Variants in MYRIP observed in about 807,000 individuals in gnomAD.
MYRIP encodes myosin VIIA and Rab interacting protein.
A neutral mutation model predicts 98.0 loss-of-function variants in MYRIP; 49 were observed. That is an observed-to-expected ratio of 0.50 (90% CI 0.40 to 0.63). The LOEUF is 0.63. Among genes scored for constraint, MYRIP ranks in the 30% least tolerant of loss-of-function variants. The probability of loss-of-function intolerance (pLI) is 0.00; values close to 1 mark genes in which losing one functional copy is unlikely to be tolerated. For missense variants in MYRIP, 1,004 were observed against 1,058.2 expected, an observed-to-expected ratio of 0.95 and a Z score of 0.71; for synonymous variants, 404 against 409.5, an observed-to-expected ratio of 0.99 and a Z score of 0.16.
chr3:40,237,475 G>C (rs1233948432), intron 12 of MYRIP, among the ~76,000 whole-genome samples: 1 of 152,108 alleles, frequency 6.6e-6, no homozygotes, highest in African/African-American at 2.4e-5. Context: ...TTTGGGGCAG[G>C]GCAAAATCAC....
chr3:39,894,565 A>G (rs573378613), intron 1 of MYRIP, among the ~76,000 whole-genome samples: 4 of 152,164 alleles, frequency 2.6e-5, no homozygotes, highest in Non-Finnish European at 5.9e-5. Flanking sequence ...GTTGCTGTAT[A>G]CTTTCTTGTA....
chr3:40,102,485 T>C (rs907374341), intron 3 of MYRIP, among the ~76,000 whole-genome samples: 1 of 152,202 alleles, frequency 6.6e-6, no homozygotes, highest in African/African-American at 2.4e-5. Context: ...ATAGGAGTTT[T>C]GACTTTTGTA....
intron 2 of MYRIP, among the ~76,000 whole-genome samples, chr3:39,950,159 T>A (rs961152357): frequency 6.6e-6 from 1 of 152,200 alleles, no homozygotes; most frequent in Admixed American, 6.6e-5. Context: ...AATTCTTCCA[T>A]CTTTAGTTTG....
chr3:39,901,889 G>A (rs1352077477), intron 2 of MYRIP, among the ~76,000 whole-genome samples: 4 of 152,054 alleles, frequency 2.6e-5, no homozygotes, highest in Non-Finnish European at 5.9e-5. Flanking sequence ...CCTAGCAAGG[G>A]ACATAACATT....
intron 3 of MYRIP, among the ~76,000 whole-genome samples, chr3:40,049,913 C>T (rs1387936050): frequency 6.6e-6 from 1 of 152,100 alleles, no homozygotes; most frequent in Non-Finnish European, 1.5e-5. Context: ...TCCCTTAAGC[C>T]AAAGCCATAT....
intron 2 of MYRIP, among the ~76,000 whole-genome samples, chr3:39,957,677 A>C (rs1287548779): frequency 6.6e-6 from 1 of 151,880 alleles, no homozygotes; most frequent in Non-Finnish European, 1.5e-5. Context: ...AGTTCTGGCC[A>C]GGGCAATCAG....
rs146580439 is a variant in MYRIP, at chr3:39,994,199, G to C, written c.111-49851G>C. 6.5e-3 allele frequency among the ~76,000 whole-genome samples: 991 copies of C among 152,342 alleles called. 8 individuals are homozygous for C. Among genetic ancestry groups the C allele is most frequent in the Middle Eastern group, 0.017 (5 of 294 alleles). ...AGTGTCGGACAGTGGGTGCAGGACA[G>C]TGGGTGCAGCACACGGAGCATGAGC... On this transcript the variant is annotated intron_variant, in intron 2 of 16. Coordinates refer to ENST00000302541, the MANE Select transcript of MYRIP (RefSeq NM_015460.4).
chr3:40,111,438 A>G (rs573307292), intron 3 of MYRIP, among the ~76,000 whole-genome samples: 1 of 152,360 alleles, frequency 6.6e-6, no homozygotes, highest in South Asian at 2.1e-4. Context: ...TAGAAACTGT[A>G]CAGACTAAAC....
intron 2 of MYRIP, among the ~76,000 whole-genome samples, chr3:39,908,360 A>G (rs1233820718): frequency 6.6e-6 from 1 of 152,140 alleles, no homozygotes; most frequent in Non-Finnish European, 1.5e-5. Context: ...TCTGTTGCCC[A>G]TAATGGTACC....
At chr3:39,859,172 T>C (rs934952484) in intron 1 of MYRIP, among the ~76,000 whole-genome samples, 11 of 144,864 alleles carry the variant, frequency 7.6e-5, no homozygotes, top group East Asian at 2.0e-4. Context: ...AGGACTTGAG[T>C]AAATAAAACT....
At chr3:40,143,789 T>C (rs572833714) in intron 3 of MYRIP, among the ~76,000 whole-genome samples, 6 of 152,230 alleles carry the variant, frequency 3.9e-5, no homozygotes, top group Non-Finnish European at 7.3e-5. Context: ...TTTTTGTGTG[T>C]GACATAAAGC....
In MYRIP at chr3:40,116,616, T is replaced by C. The variant is rs1412848592; in HGVS notation, c.333-34432T>C. 2.0e-5 allele frequency among the ~76,000 whole-genome samples: 3 copies of C among 152,206 alleles called. No homozygotes were observed. In the East Asian group the frequency reaches 5.8e-4, roughly 29 times the overall value. On this transcript the variant is annotated intron_variant, in intron 3 of 16. Transcript: ENST00000302541. ...ATAGGCATGGGCCTGTCTCTTTGCA[T>C]CTTTGTCTCAGGCTGGGAGGCACAT...
intron 2 of MYRIP, among the ~76,000 whole-genome samples, chr3:39,929,717 C>G (rs907978617): frequency 6.6e-6 from 1 of 151,976 alleles, no homozygotes; most frequent in Non-Finnish European, 1.5e-5. Flanking sequence ...AAAGTTTCAT[C>G]GCTCCAAAAA....
chr3:40,089,630 G>A (rs774198642), intron 3 of MYRIP, among the ~76,000 whole-genome samples: 10 of 152,142 alleles, frequency 6.6e-5, no homozygotes, highest in Non-Finnish European at 8.8e-5. Context: ...AACAAACAAA[G>A]GCAAAAAGGA....
At chr3:39,812,760 A>T (rs1216751698) in intron 1 of MYRIP, among the ~76,000 whole-genome samples, 1 of 152,262 alleles carries the variant, frequency 6.6e-6, no homozygotes, top group African/African-American at 2.4e-5. Context: ...TGGCTGGAGA[A>T]CTGAAATACC....
At chr3:39,849,144 G>A (rs900340096) in intron 1 of MYRIP, among the ~76,000 whole-genome samples, 8 of 152,190 alleles carry the variant, frequency 5.3e-5, no homozygotes, top group Non-Finnish European at 1.2e-4. Context: ...AGTAGGAGCA[G>A]ACAGAAAGGA....
At chr3:39,842,750 AT>A (rs35348298) in intron 1 of MYRIP, among the ~76,000 whole-genome samples, 12,531 of 147,674 alleles carry the variant, frequency 0.085, 551 homozygotes, top group African/African-American at 0.12. Flanking sequence ...AGGTGAGGTG[AT>A]TACCCCCCCT....
At chr3:40,194,931 T>A (rs1309462579) in intron 10 of MYRIP, among the ~76,000 whole-genome samples, 1 of 152,214 alleles carries the variant, frequency 6.6e-6, no homozygotes, top group African/African-American at 2.4e-5. Context: ...CTCTTCTCAG[T>A]TCCAGTAGTA....
At position 39,881,154 on chromosome 3, in the gene MYRIP, C is replaced by G. The variant is rs142480008; in HGVS notation, c.-30-19633C>G. ...TTTTCATGGATAAAATCAGTATCTT[C>G]TGACATACCTAGATATCATAGGATT... On this transcript the variant is annotated intron_variant, in intron 1 of 16. Transcript: ENST00000302541. Among the ~76,000 whole-genome samples the G allele has an allele frequency of 8.9e-4, 135 of 152,164 alleles. No homozygotes were observed. In the East Asian group the frequency reaches 0.023, roughly 25 times the overall value.
Sources: gnomAD v4.1 joint callset for allele counts (sites outside exome capture counted in the v4.1 genomes callset) on GRCh38, gnomAD v4.1.1 for gene constraint, MANE v1.5 for transcripts, NCBI Gene and HGNC (gene_info 2026-07-23, HGNC 2026-07-21) for gene names.